Variants in DNAH3 observed in about 807,000 individuals in gnomAD.
DNAH3 encodes axonemal beta dynein heavy chain 3.
A neutral mutation model predicts 432.5 loss-of-function variants in DNAH3; 332 were observed. The ratio of observed to expected loss-of-function variants is 0.77; its 90% CI spans 0.70 to 0.84. The LOEUF (loss-of-function observed/expected upper bound fraction) is 0.84. DNAH3 is among the 40% of genes least tolerant of loss of function. The probability of loss-of-function intolerance (pLI) is 0.00; values close to 1 mark genes in which losing one functional copy is unlikely to be tolerated. For synonymous variants in DNAH3, 1,956 were observed against 1,900.2 expected, an observed-to-expected ratio of 1.03 and a Z score of -0.76; for missense variants, 4,861 against 5,114.0, an observed-to-expected ratio of 0.95 and a Z score of 1.51.
At chr16:20,956,714 TTG>T (rs1240308295) in intron 54 of DNAH3, among the ~76,000 whole-genome samples, 1 of 152,076 alleles carries the variant, frequency 6.6e-6, no homozygotes, top group Non-Finnish European at 1.5e-5. Flanking sequence ...GGTTTTTTTG[TTG>T]TTTGTTTTTT....
At chr16:21,148,811 C>T (rs906171100) in intron 1 of DNAH3, among the ~76,000 whole-genome samples, 1 of 152,160 alleles carries the variant, frequency 6.6e-6, no homozygotes, top group East Asian at 1.9e-4. Flanking sequence ...CAGATCTAGG[C>T]ATCAATTGCA....
intron 9 of DNAH3, 38 bp from the exon 11 acceptor site, chr16:21,122,162 TG>T: frequency 6.4e-7 from 1 of 1,557,540 alleles, no homozygotes; most frequent in Non-Finnish European, 8.7e-7. Flanking sequence ...GTTACAAAAT[TG>T]GGCCTTCCAA....
intron 44 of DNAH3, among the ~76,000 whole-genome samples, chr16:20,996,536 T>C (rs1328423155): frequency 6.6e-6 from 1 of 152,146 alleles, no homozygotes; most frequent in Non-Finnish European, 1.5e-5. Flanking sequence ...CTCGGCTCAC[T>C]GCAACCTCTG....
intron 57 of DNAH3, among the ~76,000 whole-genome samples, chr16:20,945,496 CTT>C (rs71377698): frequency 4.8e-5 from 7 of 144,620 alleles, no homozygotes; most frequent in Non-Finnish European, 6.1e-5. Context: ...TATTCCTTTA[CTT>C]TTTTTTTTTT....
At chr16:21,059,382 C>T (rs746281950) in intron 26 of DNAH3, among the ~76,000 whole-genome samples, 19 of 152,274 alleles carry the variant, frequency 1.2e-4, no homozygotes, top group Non-Finnish European at 2.8e-4. Flanking sequence ...AATGCAAATA[C>T]TGTGTCAAGG....
At chr16:20,971,572 G>A (rs919219941) in intron 51 of DNAH3, among the ~76,000 whole-genome samples, 1 of 152,176 alleles carries the variant, frequency 6.6e-6, no homozygotes, top group African/African-American at 2.4e-5. Flanking sequence ...CCCTGGAAGA[G>A]GGATGGGATG....
intron 14 of DNAH3, among the ~76,000 whole-genome samples, chr16:21,108,859 C>A (rs1418272709): frequency 6.6e-6 from 1 of 152,072 alleles, no homozygotes. Flanking sequence ...CGGTGGCTCA[C>A]CCCTGTAATC....
intron 21 of DNAH3, among the ~76,000 whole-genome samples, chr16:21,074,084 T>C (rs1418576708): frequency 1.3e-5 from 2 of 152,200 alleles, no homozygotes; most frequent in South Asian, 2.1e-4. Flanking sequence ...TCTTTTATTA[T>C]AGGAGTATTG....
At position 21,125,374 on chromosome 16, in the gene DNAH3, T is replaced by C; in HGVS notation, c.1209-4A>G. The C allele has an allele frequency of 1.9e-6, 3 of 1,590,638 alleles. No homozygotes were observed. Among genetic ancestry groups the C allele is most frequent in the Non-Finnish European group, 2.6e-6 (3 of 1,166,648 alleles). On this transcript the variant is annotated splice_region_variant and splice_polypyrimidine_tract_variant and intron_variant, in intron 8 of 61. Transcript: ENST00000261383. ...CTGGGCGCAGGTGGGGATCCACCTGTAAAGACAGAAGGGTGTCCATGTGAG... is the reference window on the plus strand; with the variant it reads ...CTGGGCGCAGGTGGGGATCCACCTGCAAAGACAGAAGGGTGTCCATGTGAG...
At chr16:21,145,310 T>C in exon 3 of DNAH3, 2 of 1,614,144 alleles carry the variant, frequency 1.2e-6, no homozygotes, top group Non-Finnish European at 1.7e-6. Context: ...ATGGAATCAC[T>C]GGGTCCACGG....
At chr16:21,035,636 C>T (rs2089131938) in intron 35 of DNAH3, among the ~76,000 whole-genome samples, 1 of 151,926 alleles carries the variant, frequency 6.6e-6, no homozygotes, top group Non-Finnish European at 1.5e-5. Context: ...ACGTTTCGTT[C>T]AATTTTTCTG....
chr16:21,016,879 T>C (rs948937568), intron 41 of DNAH3, among the ~76,000 whole-genome samples: 5 of 152,202 alleles, frequency 3.3e-5, no homozygotes, highest in African/African-American at 1.2e-4. Context: ...GAAGACATTA[T>C]GCTAAGTAAA....
chr16:21,098,343 G>A (rs1165061085), intron 17 of DNAH3, among the ~76,000 whole-genome samples: 1 of 151,300 alleles, frequency 6.6e-6, no homozygotes, highest in Non-Finnish European at 1.5e-5. Context: ...GAAGGCTGAG[G>A]CAGGAGAATC....
At chr16:20,979,951 T>C (rs996153906) in intron 49 of DNAH3, among the ~76,000 whole-genome samples, 1 of 151,860 alleles carries the variant, frequency 6.6e-6, no homozygotes. Context: ...AGTTTCACCA[T>C]GTTGGTCAGG....
In DNAH3 at chr16:21,140,645, G is replaced by A. The variant is rs750022040; in HGVS notation, c.587C>T (p.Thr196Met). 23 of 1,613,970 alleles carry A rather than the reference G, an allele frequency of 1.4e-5. No homozygotes were observed. Among genetic ancestry groups the A allele is most frequent in the Non-Finnish European group, 1.7e-5 (20 of 1,180,026 alleles). ...ACTCATTGGTCTGCTTCCTGGGAAC[G>A]TCAAAGATGTCTTTACCTCCTTCTT... Residue 196 changes from threonine to methionine, a missense_variant, in exon 5 of 62, where the codon ACG becomes ATG. By Grantham distance (81) the Thr-to-Met change is moderately conservative (BLOSUM62 -1). Coordinates refer to ENST00000261383, the Ensembl canonical transcript of DNAH3.
chr16:20,935,341 C>T lies in DNAH3; in HGVS notation c.11997+7G>A. ...CCTTGAGTGAGCCTAACCCAAAGCA[C>T]CCCTACCTCAAACTCAAATCCAATG... is the stretch of plus-strand genomic sequence containing the variant. On this transcript the variant is annotated splice_region_variant and intron_variant, in intron 61 of 61. Coordinates refer to ENST00000261383, the Ensembl canonical transcript of DNAH3. 4 of 1,613,982 alleles carry T rather than the reference C, an allele frequency of 2.5e-6. No individual in the cohort carries two copies. Among genetic ancestry groups the T allele is most frequent in the Non-Finnish European group, 3.4e-6 (4 of 1,179,988 alleles).
At chr16:20,936,618 AG>A in intron 60 of DNAH3, 30 bp downstream of exon 60, 1 of 1,555,568 alleles carries the variant, frequency 6.4e-7, no homozygotes, top group South Asian at 1.2e-5. Flanking sequence ...CAAGCATGCC[AG>A]GTTCCCGGTT....
intron 28 of DNAH3, among the ~76,000 whole-genome samples, chr16:21,054,123 C>G (rs985490528): frequency 5.9e-5 from 9 of 152,166 alleles, no homozygotes; most frequent in Non-Finnish European, 7.3e-5. Context: ...AAAATATTAT[C>G]TACGGCTAGC....
intron 52 of DNAH3, among the ~76,000 whole-genome samples, chr16:20,967,595 C>T (rs1240588712): frequency 1.3e-5 from 2 of 150,606 alleles, no homozygotes; most frequent in Non-Finnish European, 2.9e-5. Context: ...TTCTGCCTCC[C>T]GGATTCAAGC....
Sources: gnomAD v4.1 joint callset for allele counts (sites outside exome capture counted in the v4.1 genomes callset) on GRCh38, gnomAD v4.1.1 for gene constraint, MANE v1.5 for transcripts, NCBI Gene and HGNC (gene_info 2026-07-23, HGNC 2026-07-21) for gene names.